KCNC2: variants seen among roughly 807,000 people sequenced by gnomAD.
KCNC2 encodes the protein voltage-gated potassium channel KCNC2.
In KCNC2, 21 loss-of-function variants were observed where a neutral mutation model predicts 44.5. The observed-to-expected ratio is 0.47, with a 90% CI of 0.33 to 0.68. The LOEUF is 0.68. Among genes scored for constraint, KCNC2 ranks in the 30% least tolerant of loss-of-function variants. The pLI is 0.01. For synonymous variants in KCNC2, 391 were observed against 339.1 expected, an observed-to-expected ratio of 1.15 and a Z score of -1.68; for missense variants, 589 against 826.2, an observed-to-expected ratio of 0.71 and a Z score of 3.52.
At chr12:75,088,833 T>C (rs555977039) in intron 2 of KCNC2, among the ~76,000 whole-genome samples, 50 of 152,072 alleles carry the variant, frequency 3.3e-4, no homozygotes, top group African/African-American at 1.2e-3. Context: ...TATAATCTAA[T>C]ATATAAAACA....
rs749375642 is a variant in KCNC2, at chr12:75,207,447, G to T, written c.537C>A (p.Pro179=). The change falls in exon 2 of 5, where the codon CCC becomes CCA. Residue 179 remains proline, a synonymous_variant. Coordinates refer to ENST00000549446, the MANE Select transcript of KCNC2 (RefSeq NM_139137.4). This position sits in a 1 kb window ranked among gnomAD's most constrained non-coding sequence, Gnocchi z 4.1. ...TGGCCGCCAGGTCCTCGTCGTCGCC[G>T]GGGTCGCCGCCAATGAGGTCGGGGG... ...FETPDLIGGD[P]GDDEDLAAKR... is the part of the protein sequence containing the mutation. 13 of 1,609,538 alleles carry T rather than the reference G, an allele frequency of 8.1e-6. No individual in the cohort carries two copies. The highest frequency in any genetic ancestry group is 1.1e-5 in the Non-Finnish European group (13 of 1,178,378).
In KCNC2 at chr12:75,207,813, C is replaced by T. The variant is rs201177068; in HGVS notation, c.171G>A (p.Ser57=). 51 of 1,601,742 alleles carry T rather than the reference C, an allele frequency of 3.2e-5. No individual in the cohort carries two copies. The highest frequency in any genetic ancestry group is 1.7e-5 in the Admixed American group (1 of 58,882). ...LTTAGDKLQP[S]PPPLSPPPRA... Reference sequence around the variant, plus strand: ...TCGGCGGCGGCGACAGTGGAGGCGGCGACGGCTGCAGCTTGTCGCCCGCCG... The same window carrying T: ...TCGGCGGCGGCGACAGTGGAGGCGGTGACGGCTGCAGCTTGTCGCCCGCCG... The change falls in exon 2 of 5, where the codon TCG becomes TCA. Residue 57 remains serine (S), a synonymous_variant. Transcript: ENST00000549446. The surrounding 1 kb of genome is among the most constrained non-coding windows in gnomAD (Gnocchi z 4.1).
chr12:75,113,997 TAC>T lies in KCNC2; in HGVS notation c.688-62682_688-62681del, dbSNP rs747570084. On this transcript the variant is annotated intron_variant, in intron 2 of 4. Transcript: ENST00000549446. ...CCAAAGAAACACACATACACATATATACACACACACACATTGTTATTGAAAGT... is the reference window on the plus strand; with the variant it reads ...CCAAAGAAACACACATACACATATATACACACACACATTGTTATTGAAAGT... Among the ~76,000 whole-genome samples the T allele has an allele frequency of 1.8e-3, 277 of 152,160 alleles. 1 individual carries two copies. The highest frequency in any genetic ancestry group is 6.8e-3 in the Middle Eastern group (2 of 294).
chr12:75,146,147 G>A (rs1317480840), intron 2 of KCNC2, among the ~76,000 whole-genome samples: 1 of 151,984 alleles, frequency 6.6e-6, no homozygotes. Flanking sequence ...GTAGAGACGA[G>A]ATTTCACTGT....
In KCNC2 at chr12:75,140,597, A is replaced by G. The variant is rs112622344; in HGVS notation, c.687+66700T>C. Among the ~76,000 whole-genome samples the G allele has an allele frequency of 9.1e-3, 1,385 of 152,250 alleles. 20 individuals carry two copies. Among genetic ancestry groups the G allele is most frequent in the African/African-American group, 0.032 (1,309 of 41,546 alleles). ...TTATCACGTTAAAAAATATCCTTCA[A>G]GGTTTATGTCTGTGGAAACACATTT... On this transcript the variant is annotated intron_variant, in intron 2 of 4. Transcript: ENST00000549446.
chr12:75,086,699 T>TATAC lies in KCNC2; in HGVS notation c.688-35383_688-35382insGTAT, dbSNP rs1339170718. Among the ~76,000 whole-genome samples the TATAC allele has an allele frequency of 2.7e-3, 380 of 138,354 alleles. 3 individuals carry two copies. Among genetic ancestry groups the TATAC allele is most frequent in the African/African-American group, 9.4e-3 (334 of 35,594 alleles). The allele number at this position is 138,354 out of a possible 152,430, so 90.8% of individuals were successfully genotyped here. On this transcript the variant is annotated intron_variant, in intron 2 of 4. Transcript: ENST00000549446. ...AAAAAAAAATATATATATATATATA[T>TATAC]ACACACACATATTTATCTTAAGTCA...
In KCNC2 at chr12:75,114,856, CTTTTTT is replaced by C. The variant is rs754820554; in HGVS notation, c.688-63545_688-63540del. Among the ~76,000 whole-genome samples, 675 of 86,564 alleles carry C rather than the reference CTTTTTT, an allele frequency of 7.8e-3. 3 individuals are homozygous for C. The highest frequency in any genetic ancestry group is 0.033 in the African/African-American group (628 of 18,852). 56.8% of individuals were successfully genotyped at this position (86,564 alleles called of 152,430 possible). The stretch of plus-strand genomic sequence containing the variant: ...AGCTCCAGTCAACATTCAACTTCTA[CTTTTTT>C]TTTTTTTTTTTTTTTTTTTTTGAGA... On this transcript the variant is annotated intron_variant, in intron 2 of 4. Coordinates refer to ENST00000549446, the MANE Select transcript of KCNC2 (RefSeq NM_139137.4).
At chr12:75,127,515 T>C (rs1425516885) in intron 2 of KCNC2, among the ~76,000 whole-genome samples, 1 of 152,126 alleles carries the variant, frequency 6.6e-6, no homozygotes, top group Non-Finnish European at 1.5e-5. Flanking sequence ...GCAAAACATG[T>C]AGACTCCCAT....
At chr12:75,071,433 C>T (rs1883388415) in intron 2 of KCNC2, among the ~76,000 whole-genome samples, 1 of 152,168 alleles carries the variant, frequency 6.6e-6, no homozygotes, top group South Asian at 2.1e-4. Flanking sequence ...GGAAACCCAA[C>T]ACATTATTTG....
intron 2 of KCNC2, among the ~76,000 whole-genome samples, chr12:75,108,706 C>A (rs1886984824): frequency 6.6e-6 from 1 of 152,176 alleles, no homozygotes; most frequent in Admixed American, 6.5e-5. Flanking sequence ...TTGCCTAAAT[C>A]CATTCTAAAC....
At chr12:75,113,721 A>G (rs555031824) in intron 2 of KCNC2, among the ~76,000 whole-genome samples, 19 of 152,270 alleles carry the variant, frequency 1.2e-4, no homozygotes, top group Non-Finnish European at 2.2e-4. Flanking sequence ...GCAAGCTCAC[A>G]ATATAGGTAG....
At chr12:75,043,307 A>T in intron 4 of KCNC2, 66 bp from the exon 5 acceptor site, 3 of 1,560,984 alleles carry the variant, frequency 1.9e-6, no homozygotes, top group Non-Finnish European at 1.7e-6. Flanking sequence ...AAATAATACC[A>T]TGCAGGGCAA....
chr12:75,152,798 C>A (rs1464472781), intron 2 of KCNC2, among the ~76,000 whole-genome samples: 1 of 151,898 alleles, frequency 6.6e-6, no homozygotes, highest in Non-Finnish European at 1.5e-5. Flanking sequence ...AGGGAGAAGA[C>A]TCAATGCAAT....
At position 75,201,260 on chromosome 12, in the gene KCNC2, T is replaced by G. The variant is rs779225555; in HGVS notation, c.687+6037A>C. On this transcript the variant is annotated intron_variant, in intron 2 of 4. Transcript: ENST00000549446. ...AAGGGCAGAAAGTTACAAACGAAAT[T>G]GGAAAAAAAAAAAAAAAAAAAAAAA... Among the ~76,000 whole-genome samples the G allele has an allele frequency of 9.6e-5, 3 of 31,136 alleles. No individual in the cohort carries two copies. In the Admixed American group the frequency reaches 1.3e-3, roughly 14 times the overall value. 20.4% of individuals were successfully genotyped at this position (31,136 alleles called of 152,430 possible).
At chr12:75,206,732 G>T (rs750260950) in intron 2 of KCNC2, among the ~76,000 whole-genome samples, 11 of 152,304 alleles carry the variant, frequency 7.2e-5, no homozygotes, top group Non-Finnish European at 1.3e-4. Flanking sequence ...ACGTTCTGGA[G>T]ATTCTCTTCA....
chr12:75,104,470 G>C (rs1886621806), intron 2 of KCNC2, among the ~76,000 whole-genome samples: 1 of 151,936 alleles, frequency 6.6e-6, no homozygotes, highest in Non-Finnish European at 1.5e-5. Context: ...GAAAAGGGAG[G>C]GCTATTGTAT....
intron 2 of KCNC2, among the ~76,000 whole-genome samples, chr12:75,101,382 C>A (rs1276969893): frequency 6.6e-6 from 1 of 151,996 alleles, no homozygotes; most frequent in Non-Finnish European, 1.5e-5. Flanking sequence ...TCTGGGAATA[C>A]CTAAAAGCAG....
intron 2 of KCNC2, among the ~76,000 whole-genome samples, chr12:75,119,710 T>C (rs1401250755): frequency 2.0e-5 from 3 of 152,194 alleles, no homozygotes; most frequent in African/African-American, 4.8e-5. Flanking sequence ...CTCTGCTCCT[T>C]CACTTGGAAA....
At chr12:75,189,695 T>G (rs2030005543) in intron 2 of KCNC2, among the ~76,000 whole-genome samples, 1 of 152,172 alleles carries the variant, frequency 6.6e-6, no homozygotes, top group Non-Finnish European at 1.5e-5. Context: ...CCACTTGATC[T>G]TTCATTCCCT....
Sources: allele counts gnomAD v4.1 joint callset (sites outside exome capture counted in the v4.1 genomes callset), GRCh38; gene constraint gnomAD v4.1.1; non-coding constraint Gnocchi (gnomAD v3.1); transcripts MANE v1.5; gene names NCBI Gene and HGNC (gene_info 2026-07-23, HGNC 2026-07-21).